Variants in DKK2 observed in about 807,000 individuals in gnomAD.
DKK2 encodes the protein dickkopf-related protein 2.
DKK2 carries 11 observed loss-of-function variants against 28.1 expected under a neutral mutation model. The ratio of observed to expected loss-of-function variants is 0.39; its 90% confidence interval spans 0.25 to 0.65. The LOEUF is 0.65. Among genes scored for constraint, DKK2 ranks in the 30% least tolerant of loss-of-function variants. The pLI, the probability that DKK2 is intolerant of heterozygous loss-of-function variation, is 0.47. For synonymous variants in DKK2, 135 were observed against 126.5 expected, an observed-to-expected ratio of 1.07 and a Z score of -0.45; for missense variants, 326 against 335.5, an observed-to-expected ratio of 0.97 and a Z score of 0.22.
chr4:106,969,047 T>C (rs971045886), intron 1 of DKK2, among the ~76,000 whole-genome samples: 1 of 151,902 alleles, frequency 6.6e-6, no homozygotes, highest in Non-Finnish European at 1.5e-5. Context: ...CAAAAGTACA[T>C]CCCAGTTCTT....
At chr4:106,960,510 A>G (rs941115216) in intron 1 of DKK2, among the ~76,000 whole-genome samples, 2 of 152,124 alleles carry the variant, frequency 1.3e-5, no homozygotes, top group African/African-American at 4.8e-5. Flanking sequence ...AAAATCCCAG[A>G]CTTTACCACT....
At chr4:107,001,693 T>C (rs1723361621) in intron 1 of DKK2, among the ~76,000 whole-genome samples, 1 of 152,174 alleles carries the variant, frequency 6.6e-6, no homozygotes, top group South Asian at 2.1e-4. Context: ...GCAGAGACCA[T>C]GGATTACCAT....
intron 1 of DKK2, among the ~76,000 whole-genome samples, chr4:106,927,038 T>A (rs2110339364): frequency 6.6e-6 from 1 of 152,284 alleles, no homozygotes; most frequent in South Asian, 2.1e-4. Context: ...TTTTTCTCAT[T>A]TTCAGAGTAA....
chr4:106,960,116 A>T lies in DKK2; in HGVS notation c.223-34167T>A, dbSNP rs538581566. Among the ~76,000 whole-genome samples the T allele has an allele frequency of 2.7e-3, 360 of 131,886 alleles. 2 individuals are homozygous for T. The highest frequency in any genetic ancestry group is 9.3e-3 in the African/African-American group (350 of 37,508). The allele number at this position is 131,886 out of a possible 152,430, so 86.5% of individuals were successfully genotyped here. On this transcript the variant is annotated intron_variant, in intron 1 of 3. Transcript: ENST00000285311. ...AGCTGATGTGCAGAGAAAAAATGTTATATATATATATATATACACACACAC... is the reference window on the plus strand; with the variant it reads ...AGCTGATGTGCAGAGAAAAAATGTTTTATATATATATATATACACACACAC...
At chr4:107,015,715 T>A (rs1311144950) in intron 1 of DKK2, among the ~76,000 whole-genome samples, 2 of 151,752 alleles carry the variant, frequency 1.3e-5, no homozygotes, top group African/African-American at 4.8e-5. Flanking sequence ...TCTCAATCTA[T>A]ATCTAGGCTC....
chr4:107,003,160 C>A (rs561811976), intron 1 of DKK2, among the ~76,000 whole-genome samples: 2 of 152,276 alleles, frequency 1.3e-5, no homozygotes, highest in South Asian at 2.1e-4. Context: ...GGTTTACTGG[C>A]AATTTTCAGT....
intron 1 of DKK2, among the ~76,000 whole-genome samples, chr4:107,030,748 A>G (rs932619458): frequency 2.6e-5 from 4 of 152,054 alleles, no homozygotes; most frequent in African/African-American, 4.8e-5. Context: ...AATTTCTTCT[A>G]AAATGTAACC....
At position 106,959,588 on chromosome 4, in the gene DKK2, G is replaced by T. The variant is rs574198067; in HGVS notation, c.223-33639C>A. On this transcript the variant is annotated intron_variant, in intron 1 of 3. Transcript: ENST00000285311. Reference sequence around the variant, plus strand: ...CTTCCCATAAGTAACTTCATTTCTGGAACAGAATGGTGTGATTTTAATGGA... The same window carrying T: ...CTTCCCATAAGTAACTTCATTTCTGTAACAGAATGGTGTGATTTTAATGGA... Among the ~76,000 whole-genome samples the T allele has an allele frequency of 3.3e-5, 5 of 152,006 alleles. No homozygotes were observed. In the South Asian group the frequency reaches 8.3e-4, roughly 25 times the overall value.
At chr4:106,985,167 C>T (rs1015187857) in intron 1 of DKK2, among the ~76,000 whole-genome samples, 2 of 149,888 alleles carry the variant, frequency 1.3e-5, no homozygotes, top group African/African-American at 2.5e-5. Flanking sequence ...CAGGATCGCG[C>T]CACTGCACTC....
chr4:106,967,748 G>A (rs1296717115), intron 1 of DKK2, among the ~76,000 whole-genome samples: 3 of 151,276 alleles, frequency 2.0e-5, no homozygotes, highest in Non-Finnish European at 2.9e-5. Flanking sequence ...GAGGGAGGGA[G>A]GGAGGAAAGA....
intron 1 of DKK2, among the ~76,000 whole-genome samples, chr4:107,032,156 C>T (rs895291979): frequency 4.6e-5 from 7 of 151,986 alleles, no homozygotes; most frequent in African/African-American, 1.7e-4. Context: ...CAAATTAAAA[C>T]ATTGATGCGA....
intron 1 of DKK2, among the ~76,000 whole-genome samples, chr4:106,959,312 C>A (rs1408069859): frequency 6.6e-6 from 1 of 152,100 alleles, no homozygotes; most frequent in African/African-American, 2.4e-5. Flanking sequence ...GCCTGATTGC[C>A]TTATATAAGT....
intron 1 of DKK2, among the ~76,000 whole-genome samples, chr4:107,006,366 T>G (rs551551078): frequency 1.4e-3 from 209 of 152,286 alleles, no homozygotes; most frequent in African/African-American, 4.6e-3. Context: ...AAGCAGTTCA[T>G]TTTTCTATAA....
intron 1 of DKK2, among the ~76,000 whole-genome samples, chr4:106,980,978 T>A (rs918858091): frequency 6.6e-6 from 1 of 152,236 alleles, no homozygotes; most frequent in East Asian, 1.9e-4. Context: ...TTATTATCCC[T>A]CCACCCGAAG....
chr4:106,983,341 A>G (rs191445722), intron 1 of DKK2, among the ~76,000 whole-genome samples: 4 of 132,136 alleles, frequency 3.0e-5, no homozygotes, highest in Admixed American at 1.6e-4. Flanking sequence ...AGAAAGGAAG[A>G]AAGAAAGAAA....
Position 106,923,921 on chromosome 4 carries a change from C to T in DKK2, c.*33G>A. ...ATAATGCATTAAATACACAACTTCACAGTCTGCAATTGATGATGTTCCTCA... is the reference window on the plus strand; with the variant it reads ...ATAATGCATTAAATACACAACTTCATAGTCTGCAATTGATGATGTTCCTCA... On this transcript the variant is annotated 3_prime_UTR_variant, in exon 4 of 4. Transcript: ENST00000285311. The T allele has an allele frequency of 6.2e-7, 1 of 1,607,292 alleles. No individual in the cohort carries two copies. Among genetic ancestry groups the T allele is most frequent in the Middle Eastern group, 1.7e-4 (1 of 6,010 alleles).
At chr4:107,011,728 T>G (rs1723521455) in intron 1 of DKK2, among the ~76,000 whole-genome samples, 1 of 151,206 alleles carries the variant, frequency 6.6e-6, no homozygotes, top group African/African-American at 2.4e-5. Context: ...TGTATAATTT[T>G]ATTTTGAGTG....
chr4:106,993,941 T>C (rs1219642840), intron 1 of DKK2, among the ~76,000 whole-genome samples: 2 of 152,164 alleles, frequency 1.3e-5, no homozygotes, highest in African/African-American at 4.8e-5. Flanking sequence ...AATGGAAATG[T>C]TGTGGCTGAC....
chr4:106,990,348 G>A (rs1179038254), intron 1 of DKK2, among the ~76,000 whole-genome samples: 1 of 152,170 alleles, frequency 6.6e-6, no homozygotes, highest in Admixed American at 6.5e-5. Flanking sequence ...GACCTGAGCA[G>A]GGAAGCTTTA....
Sources: gnomAD v4.1 joint callset for allele counts (sites outside exome capture counted in the v4.1 genomes callset) on GRCh38, gnomAD v4.1.1 for gene constraint, MANE v1.5 for transcripts, NCBI Gene and HGNC (gene_info 2026-07-23, HGNC 2026-07-21) for gene names.